AFAP1L1: variants seen among roughly 807,000 people sequenced by gnomAD.
AFAP1L1 encodes actin filament associated protein 1 like 1.
Under a neutral mutation model 99.8 loss-of-function variants are expected in AFAP1L1, and 77 were observed. The observed-to-expected ratio is 0.77, with a 90% CI of 0.64 to 0.93. The LOEUF is 0.93. Among genes scored for constraint, AFAP1L1 ranks in the 40% least tolerant of loss-of-function variants. The pLI, the probability that AFAP1L1 is intolerant of heterozygous loss-of-function variation, is 0.00. For missense variants in AFAP1L1, 893 were observed against 996.8 expected (o/e 0.90, Z 1.40); for synonymous variants, 373 against 395.3 (o/e 0.94, Z 0.67).
chr5:149,301,759 G>T (rs79997194), intron 4 of AFAP1L1, among the ~76,000 whole-genome samples: 1,778 of 152,278 alleles, frequency 0.012, 31 homozygotes, highest in African/African-American at 0.038. Context: ...AGAGCAAGGG[G>T]CTCATAATCA....
chr5:149,322,557 T>C, intron 14 of AFAP1L1, 49 bp from the exon 15 acceptor site: 2 of 1,377,168 alleles, frequency 1.5e-6, no homozygotes, highest in South Asian at 1.3e-5. Flanking sequence ...CCTGCATTGA[T>C]GAGTCTGCGC....
rs968308650 is a variant in AFAP1L1 at position 149,317,824 on chromosome 5, C to T, written c.1363C>T (p.Arg455Ter). 1.1e-5 allele frequency: 17 copies of T among 1,612,970 alleles called. No homozygotes were observed. Among genetic ancestry groups the T allele is most frequent in the Non-Finnish European group, 1.3e-5 (15 of 1,179,584 alleles). The stretch of plus-strand genomic sequence containing the variant: ...TTTCCACAAGGATCACATGGACCTG[C>T]GAACCCATGTGAACGCCATCGCCCT... ...LYFHKDHMDL[R>*]THVNAIALQG... is the part of the protein sequence containing the mutation. The change falls in exon 12 of 19, where the codon CGA becomes TGA. Residue 455 changes from arginine to a stop codon, truncating the protein, a stop_gained. Coordinates refer to ENST00000296721, the MANE Select transcript of AFAP1L1 (RefSeq NM_152406.4). LOFTEE classifies it high-confidence loss of function.
intron 1 of AFAP1L1, among the ~76,000 whole-genome samples, chr5:149,295,797 G>T (rs1319195321): frequency 6.6e-6 from 1 of 152,096 alleles, no homozygotes; most frequent in Admixed American, 6.5e-5. Context: ...GTTTTCAGGG[G>T]GTTTGTAAGG....
intron 12 of AFAP1L1, 97 bp from the exon 13 acceptor site, chr5:149,319,485 G>A: frequency 7.1e-7 from 1 of 1,403,210 alleles, no homozygotes; most frequent in Non-Finnish European, 9.7e-7. Flanking sequence ...TACGTAGTCA[G>A]TACTTACAAA....
At chr5:149,290,946 A>G (rs1003188347) in intron 1 of AFAP1L1, among the ~76,000 whole-genome samples, 22 of 152,370 alleles carry the variant, frequency 1.4e-4, no homozygotes, top group East Asian at 7.7e-4. Context: ...CTCAGGCTTA[A>G]GTTGGGGAAA....
chr5:149,315,978 A>G, intron 10 of AFAP1L1, 64 bp downstream of exon 10: 1 of 1,601,390 alleles, frequency 6.2e-7, no homozygotes, highest in Non-Finnish European at 8.6e-7. Context: ...GCCCATGGGC[A>G]CACAGCGGCA....
chr5:149,274,154 CG>C (rs1561655749), intron 1 of AFAP1L1, among the ~76,000 whole-genome samples: 1 of 152,134 alleles, frequency 6.6e-6, no homozygotes, highest in African/African-American at 2.4e-5. Context: ...TCTTTAGTGT[CG>C]GCCTCCCTAC....
At chr5:149,314,257 A>G (rs1756728927) in intron 9 of AFAP1L1, among the ~76,000 whole-genome samples, 2 of 152,192 alleles carry the variant, frequency 1.3e-5, no homozygotes, top group South Asian at 4.1e-4. Flanking sequence ...CCGGAGGGAA[A>G]GCAGCGTTGA....
chr5:149,311,013 T>C (rs1319255355), intron 8 of AFAP1L1, among the ~76,000 whole-genome samples: 2 of 152,216 alleles, frequency 1.3e-5, no homozygotes, highest in Non-Finnish European at 2.9e-5. Context: ...GCAGTGAGTG[T>C]GTGGTAACTG....
At chr5:149,322,538 G>C in intron 14 of AFAP1L1, 68 bp from the exon 15 acceptor site, 1 of 1,145,638 alleles carries the variant, frequency 8.7e-7, no homozygotes, top group East Asian at 2.6e-5. Flanking sequence ...AGCAAAGACC[G>C]CAATACACCC....
At chr5:149,311,858 A>G (rs901930423) in intron 8 of AFAP1L1, among the ~76,000 whole-genome samples, 1 of 152,204 alleles carries the variant, frequency 6.6e-6, no homozygotes, top group African/African-American at 2.4e-5. Flanking sequence ...TGGCTCTTCC[A>G]AGACCACACA....
intron 10 of AFAP1L1, 109 bp from the exon 11 acceptor site, chr5:149,316,042 C>A: frequency 6.3e-7 from 1 of 1,579,354 alleles, no homozygotes; most frequent in East Asian, 2.2e-5. Context: ...GCCTGCCATC[C>A]CTGGAGCTGC....
At chr5:149,297,324 C>A (rs1756049720) in intron 1 of AFAP1L1, among the ~76,000 whole-genome samples, 1 of 152,076 alleles carries the variant, frequency 6.6e-6, no homozygotes, top group Non-Finnish European at 1.5e-5. Flanking sequence ...AAGCAGTGAC[C>A]CCCCAGAGCT....
At chr5:149,282,041 G>C (rs1283757253) in intron 1 of AFAP1L1, among the ~76,000 whole-genome samples, 1 of 152,206 alleles carries the variant, frequency 6.6e-6, no homozygotes, top group Non-Finnish European at 1.5e-5. Flanking sequence ...GCTGAGCCGG[G>C]AGGGCCCGGC....
At chr5:149,339,058 T>C (rs1278792637) in intron 18 of AFAP1L1, among the ~76,000 whole-genome samples, 1 of 151,952 alleles carries the variant, frequency 6.6e-6, no homozygotes, top group Non-Finnish European at 1.5e-5. Flanking sequence ...AGAGAGTAAA[T>C]AGTTTAGGCT....
chr5:149,276,306 A>G (rs919506460), intron 1 of AFAP1L1, among the ~76,000 whole-genome samples: 6 of 152,262 alleles, frequency 3.9e-5, no homozygotes, highest in Admixed American at 2.0e-4. Context: ...TTCTCTTCCA[A>G]CAGGGTATGT....
At position 149,316,164 on chromosome 5, in the gene AFAP1L1, G is replaced by A. The variant is rs776210591; in HGVS notation, c.1128G>A (p.Lys376=). ...TTTCCCCAACAGGCAAAGGGAAGAA[G>A]AGCAGCCTGGCAGAACTGAAGGGCT... ...RETCDHGKGK[K]SSLAELKGSM... is the part of the protein sequence containing the mutation. Residue 376 remains lysine (K), a synonymous_variant, in exon 11 of 19, where the codon AAG becomes AAA. Coordinates refer to ENST00000296721, the MANE Select transcript of AFAP1L1 (RefSeq NM_152406.4). The A allele has an allele frequency of 2.5e-6, 4 of 1,613,670 alleles. No homozygotes were observed. The South Asian group carries it at 3.3e-5, about 13-fold the overall frequency.
In AFAP1L1 at chr5:149,329,535, C is replaced by G; in HGVS notation, c.1811-131C>G. 4 of 954,612 alleles carry G rather than the reference C, an allele frequency of 4.2e-6. No individual in the cohort carries two copies. The South Asian group carries it at 7.5e-5, about 18-fold the overall frequency. 59.1% of individuals were successfully genotyped at this position (954,612 alleles called of 1,614,324 possible). The stretch of plus-strand genomic sequence containing the variant: ...CTTAGAGGATTCACACTAAATATAT[C>G]TAAGGGACTAGGTCTAAATATTTCC... On this transcript the variant is annotated intron_variant, in intron 15 of 18. Coordinates refer to ENST00000296721, the MANE Select transcript of AFAP1L1 (RefSeq NM_152406.4).
Position 149,309,942 on chromosome 5 carries a change from C to A in AFAP1L1, c.748-14C>A. On this transcript the variant is annotated splice_polypyrimidine_tract_variant and intron_variant, in intron 7 of 18. Coordinates refer to ENST00000296721, the MANE Select transcript of AFAP1L1 (RefSeq NM_152406.4). ...TACTTCAGAAGATCCTGATGTGTTTCTCTCCCTGTCCAGTGTTACAAAAGC... is the reference window on the plus strand; with the variant it reads ...TACTTCAGAAGATCCTGATGTGTTTATCTCCCTGTCCAGTGTTACAAAAGC... The A allele has an allele frequency of 3.7e-6, 6 of 1,614,192 alleles. No individual in the cohort carries two copies. The highest frequency in any genetic ancestry group is 5.1e-6 in the Non-Finnish European group (6 of 1,180,026).
Sources: gnomAD v4.1 joint callset for allele counts (sites outside exome capture counted in the v4.1 genomes callset) on GRCh38, gnomAD v4.1.1 for gene constraint, MANE v1.5 for transcripts, NCBI Gene and HGNC (gene_info 2026-07-23, HGNC 2026-07-21) for gene names.